Variants in KCNC2 observed in about 807,000 individuals in gnomAD.
The protein encoded by KCNC2 is potassium voltage-gated channel subfamily C member 2.
Under a neutral mutation model 44.5 loss-of-function variants are expected in KCNC2, and 21 were observed. The observed-to-expected ratio is 0.47, with a 90% CI of 0.33 to 0.68. The LOEUF (loss-of-function observed/expected upper bound fraction) is 0.68. KCNC2 is among the 30% of genes least tolerant of loss of function. KCNC2 has a pLI of 0.01. For synonymous variants in KCNC2, 391 were observed against 339.1 expected (o/e 1.15, Z -1.68); for missense variants, 589 against 826.2 (o/e 0.71, Z 3.52).
intron 2 of KCNC2, among the ~76,000 whole-genome samples, chr12:75,104,193 G>A (rs1030980008): frequency 6.6e-5 from 10 of 152,056 alleles, no homozygotes; most frequent in South Asian, 2.1e-4. Flanking sequence ...GCATGATCCC[G>A]GATCATCGAG....
chr12:75,083,257 A>T (rs1243027435), intron 2 of KCNC2, among the ~76,000 whole-genome samples: 1 of 151,856 alleles, frequency 6.6e-6, no homozygotes, highest in African/African-American at 2.4e-5. Flanking sequence ...TAACAGGAAG[A>T]AAATATTAAA....
intron 2 of KCNC2, among the ~76,000 whole-genome samples, chr12:75,143,551 C>T (rs903290415): frequency 6.6e-6 from 1 of 152,120 alleles, no homozygotes; most frequent in East Asian, 1.9e-4. Flanking sequence ...CAGATTCAAG[C>T]CCTACATGCC....
intron 2 of KCNC2, among the ~76,000 whole-genome samples, chr12:75,064,273 C>T (rs773366500): frequency 1.3e-5 from 2 of 151,996 alleles, no homozygotes; most frequent in Non-Finnish European, 2.9e-5. Context: ...TTATTATAAT[C>T]TCTCTTATTT....
intron 2 of KCNC2, among the ~76,000 whole-genome samples, chr12:75,113,759 T>G (rs1233059138): frequency 6.6e-6 from 1 of 152,202 alleles, no homozygotes; most frequent in Non-Finnish European, 1.5e-5. Flanking sequence ...ACCTCTTATC[T>G]ATTTTGTATC....
chr12:75,137,511 C>A (rs1158419042), intron 2 of KCNC2, among the ~76,000 whole-genome samples: 1 of 152,148 alleles, frequency 6.6e-6, no homozygotes, highest in East Asian at 1.9e-4. Flanking sequence ...TTTTAAAAAA[C>A]AAAATGGTTA....
chr12:75,105,174 C>G (rs780015846), intron 2 of KCNC2, among the ~76,000 whole-genome samples: 1 of 152,030 alleles, frequency 6.6e-6, no homozygotes, highest in Non-Finnish European at 1.5e-5. Flanking sequence ...TATTTTTAAT[C>G]TCCTCATTGC....
At chr12:75,208,500 C>A (rs1230830129) in intron 1 of KCNC2, among the ~76,000 whole-genome samples, 2 of 151,912 alleles carry the variant, frequency 1.3e-5, no homozygotes, top group Non-Finnish European at 2.9e-5. Flanking sequence ...TTCTCCCCTT[C>A]CCCTAGCTTG....
chr12:75,043,827 A>G, intron 4 of KCNC2: 1 of 1,370,736 alleles, frequency 7.3e-7, no homozygotes, highest in Non-Finnish European at 9.7e-7. Flanking sequence ...GGGTAAGAAA[A>G]GTAAAGGAAA....
At chr12:75,061,528 T>A (rs1182121175) in intron 2 of KCNC2, among the ~76,000 whole-genome samples, 2 of 149,602 alleles carry the variant, frequency 1.3e-5, no homozygotes, top group Non-Finnish European at 3.0e-5. Flanking sequence ...CTCAAGGGAT[T>A]AACAAACTAC....
intron 2 of KCNC2, among the ~76,000 whole-genome samples, chr12:75,124,639 T>C (rs1223490531): frequency 2.0e-5 from 3 of 152,216 alleles, no homozygotes; most frequent in Non-Finnish European, 4.4e-5. Context: ...AATCTCAATG[T>C]GCTACCAGAC....
chr12:75,082,419 GTTATTCTGGTTGTCAGAAGAT>G (rs1200381678), intron 2 of KCNC2, among the ~76,000 whole-genome samples: 1 of 151,580 alleles, frequency 6.6e-6, no homozygotes, highest in Admixed American at 6.6e-5. Context: ...AAAGATGTTT[GTTATTCTGGTTGTCAGAAGAT>G]TAATTTAGTA....
chr12:75,088,616 T>G (rs1370372670), intron 2 of KCNC2, among the ~76,000 whole-genome samples: 2 of 152,010 alleles, frequency 1.3e-5, no homozygotes, highest in Non-Finnish European at 1.5e-5. Flanking sequence ...TATTTAAACT[T>G]GGGTGATAAA....
Position 75,042,579 on chromosome 12 carries a change from AT to A in KCNC2, c.*525del, listed in dbSNP as rs1367325097. On this transcript the variant is annotated 3_prime_UTR_variant, in exon 5 of 5. Transcript: ENST00000549446. ...GCTTTCATATCAGCAGGATGGTTCG[AT>A]GCAAGTACACATATCCTGAGCTATC... The A allele has an allele frequency of 3.4e-5, 46 of 1,372,674 alleles. No homozygotes were observed. Among genetic ancestry groups the A allele is most frequent in the Non-Finnish European group, 4.3e-5 (46 of 1,065,048 alleles). The allele number at this position is 1,372,674 out of a possible 1,614,324, so 85.0% of individuals were successfully genotyped here.
chr12:75,141,997 GGTTAA>G (rs1419446760), intron 2 of KCNC2, among the ~76,000 whole-genome samples: 3 of 152,070 alleles, frequency 2.0e-5, no homozygotes, highest in African/African-American at 7.2e-5. Context: ...GTCTTAGAGA[GGTTAA>G]GTGACTTGCT....
At chr12:75,144,765 T>C (rs77152302) in intron 2 of KCNC2, among the ~76,000 whole-genome samples, 34 of 152,200 alleles carry the variant, frequency 2.2e-4, no homozygotes, top group South Asian at 4.2e-4. Context: ...TTAACGTCAC[T>C]GGGCCATCAA....
intron 2 of KCNC2, among the ~76,000 whole-genome samples, chr12:75,182,226 T>C (rs1452024671): frequency 6.6e-6 from 1 of 151,810 alleles, no homozygotes; most frequent in Non-Finnish European, 1.5e-5. Context: ...TGCTTGTCAC[T>C]TAGAAAGCAC....
intron 2 of KCNC2, among the ~76,000 whole-genome samples, chr12:75,194,308 G>C (rs1340362945): frequency 1.3e-5 from 2 of 152,136 alleles, no homozygotes; most frequent in Non-Finnish European, 2.9e-5. Context: ...CGAGGCCAGG[G>C]GAAGGGGATC....
chr12:75,125,999 C>A (rs892841484), intron 2 of KCNC2, among the ~76,000 whole-genome samples: 3 of 152,078 alleles, frequency 2.0e-5, no homozygotes, highest in African/African-American at 7.2e-5. Flanking sequence ...TAACACCATA[C>A]TATAAATATT....
chr12:75,072,240 G>A (rs1883491066), intron 2 of KCNC2, among the ~76,000 whole-genome samples: 1 of 152,136 alleles, frequency 6.6e-6, no homozygotes, highest in African/African-American at 2.4e-5. Flanking sequence ...AATCAAAAGG[G>A]AGAAGAACTA....
Sources: allele counts gnomAD v4.1 joint callset (sites outside exome capture counted in the v4.1 genomes callset), GRCh38; gene constraint gnomAD v4.1.1; transcripts MANE v1.5; gene names NCBI Gene and HGNC (gene_info 2026-07-23, HGNC 2026-07-21).